FBXL14: variants seen among roughly 807,000 people sequenced by gnomAD.
FBXL14 encodes the protein F-box and leucine rich repeat protein 14.
Under a neutral mutation model 24.5 loss-of-function variants are expected in FBXL14, and 11 were observed. That is an observed-to-expected ratio of 0.45 (90% CI 0.28 to 0.74). FBXL14 has a LOEUF of 0.74. FBXL14 is among the 30% of genes least tolerant of loss of function. FBXL14 has a pLI of 0.12. For synonymous variants in FBXL14, 294 were observed against 240.4 expected (o/e 1.22, Z -2.06); for missense variants, 384 against 545.6 (o/e 0.70, Z 2.95).
rs2094461697 is a variant in FBXL14, at chr12:1,579,266, A to G, written c.1195-12456T>C. ...TGAGGGCAAACCAAAAATGTCAGTA[A>G]AGCAAAAATATATCAATAAGGCATC... On this transcript the variant is annotated intron_variant, in intron 1 of 1. Transcript: ENST00000339235. The surrounding 1 kb of genome is among the most constrained non-coding windows in gnomAD (Gnocchi z 4.3). Among the ~76,000 whole-genome samples, 1 of 152,100 alleles carries G rather than the reference A, an allele frequency of 6.6e-6. No homozygotes were observed. Among genetic ancestry groups the G allele is most frequent in the South Asian group, 2.1e-4 (1 of 4,826 alleles).
intron 1 of FBXL14, among the ~76,000 whole-genome samples, chr12:1,580,606 T>C (rs908506511): frequency 5.3e-5 from 8 of 152,134 alleles, no homozygotes; most frequent in African/African-American, 1.9e-4. Flanking sequence ...CCCAAACCTC[T>C]GGCCTCCAGC....
intron 1 of FBXL14, among the ~76,000 whole-genome samples, chr12:1,574,389 G>A (rs1322138470): frequency 4.6e-5 from 7 of 151,680 alleles, no homozygotes; most frequent in African/African-American, 1.5e-4. Context: ...TGTGGATGGA[G>A]GCTGGGGTGG....
chr12:1,590,836 T>C (rs2094487930), intron 1 of FBXL14, among the ~76,000 whole-genome samples: 1 of 152,214 alleles, frequency 6.6e-6, no homozygotes, highest in Non-Finnish European at 1.5e-5. Flanking sequence ...TCAGTATGCA[T>C]GACTGAGCCG....
intron 1 of FBXL14, chr12:1,587,504 A>AG: frequency 6.6e-6 from 1 of 152,248 alleles, no homozygotes; most frequent in Non-Finnish European, 1.5e-5. Flanking sequence ...GGGTTGGTAA[A>AG]GGCAACTCCA....
At chr12:1,587,754 T>A (rs1193716095) in intron 1 of FBXL14, among the ~76,000 whole-genome samples, 2 of 152,224 alleles carry the variant, frequency 1.3e-5, no homozygotes, top group South Asian at 2.1e-4. Flanking sequence ...TGCTGCCTGA[T>A]AGTTAACCAA....
intron 1 of FBXL14, among the ~76,000 whole-genome samples, chr12:1,589,436 CAAAAAAAAAAA>C (rs71055169): frequency 5.9e-5 from 2 of 34,060 alleles, no homozygotes; most frequent in African/African-American, 3.1e-4. Context: ...GACCTTGTCT[CAAAAAAAAAAA>C]AAAAAAAAGA....
intron 1 of FBXL14, among the ~76,000 whole-genome samples, chr12:1,574,194 C>A (rs1012983125): frequency 6.6e-6 from 1 of 152,030 alleles, no homozygotes; most frequent in Non-Finnish European, 1.5e-5. Flanking sequence ...GATAGTCATA[C>A]GATCCTATGA....
At position 1,569,338 on chromosome 12, in the gene FBXL14, C is replaced by T. The variant is rs1318024387; in HGVS notation, c.1195-2528G>A. Among the ~76,000 whole-genome samples the T allele has an allele frequency of 6.6e-6, 1 of 151,800 alleles. No individual in the cohort carries two copies. Among genetic ancestry groups the T allele is most frequent in the Non-Finnish European group, 1.5e-5 (1 of 67,984 alleles). Reference sequence around the variant, plus strand: ...CTCTCCTTTTCACCAGGCTTCTCCTCTTCCTTCTTCCCTCTTCAACCCCAC... The same window carrying T: ...CTCTCCTTTTCACCAGGCTTCTCCTTTTCCTTCTTCCCTCTTCAACCCCAC... On this transcript the variant is annotated intron_variant, in intron 1 of 1. Transcript: ENST00000339235. The surrounding 1 kb of genome is among the most constrained non-coding windows in gnomAD (Gnocchi z 4.2).
chr12:1,593,756 G>A lies in FBXL14; in HGVS notation c.311C>T (p.Thr104Ile). 1 of 1,614,170 alleles carries A rather than the reference G, an allele frequency of 6.2e-7. No individual in the cohort carries two copies. Among genetic ancestry groups the A allele is most frequent in the Non-Finnish European group, 8.5e-7 (1 of 1,180,024 alleles). ...SLNLSGCYNL[T>I]DNGLGHAFVQ... Reference sequence around the variant, plus strand: ...AAACGCGTGGCCCAGCCCGTTGTCGGTGAGGTTGTAGCAGCCGCTGAGGTT... The same window carrying A: ...AAACGCGTGGCCCAGCCCGTTGTCGATGAGGTTGTAGCAGCCGCTGAGGTT... Residue 104 changes from threonine to isoleucine, a missense_variant, in exon 1 of 2, where the codon ACC (threonine) becomes ATC (isoleucine). Physicochemically the swap from Thr to Ile is moderately conservative, Grantham distance 89. Coordinates refer to ENST00000339235, the MANE Select transcript of FBXL14 (RefSeq NM_152441.3). The surrounding 1 kb of genome is among the most constrained non-coding windows in gnomAD (Gnocchi z 7.4).
At chr12:1,584,791 T>G (rs1255015898) in intron 1 of FBXL14, among the ~76,000 whole-genome samples, 4 of 152,256 alleles carry the variant, frequency 2.6e-5, no homozygotes, top group Non-Finnish European at 5.9e-5. Context: ...CATTTTCGTG[T>G]TGTTTGCTTA....
chr12:1,574,457 C>A (rs2094451744), intron 1 of FBXL14, among the ~76,000 whole-genome samples: 1 of 133,618 alleles, frequency 7.5e-6, no homozygotes, highest in Admixed American at 7.5e-5. Flanking sequence ...CTGGTGGCAG[C>A]CGTGTGGGTG....
chr12:1,574,410 C>T (rs61912221), intron 1 of FBXL14, among the ~76,000 whole-genome samples: 3,266 of 12,418 alleles, frequency 0.26, 74 homozygotes, highest in Non-Finnish European at 0.3. Flanking sequence ...GGGAGGCTGG[C>T]GGCAGTGGTG....
At chr12:1,578,548 G>T (rs2154437946) in intron 1 of FBXL14, among the ~76,000 whole-genome samples, 1 of 152,230 alleles carries the variant, frequency 6.6e-6, no homozygotes, top group East Asian at 1.9e-4. Flanking sequence ...GGCTGAGGCA[G>T]GAGAATACTT....
Position 1,579,314 on chromosome 12 carries a change from A to C in FBXL14, c.1195-12504T>G, listed in dbSNP as rs2094461779. ...ATCATACTGACGAAAACAAAACCAG[A>C]GGTTTTAAAAAATAATCTGGGCCGG... On this transcript the variant is annotated intron_variant, in intron 1 of 1. Transcript: ENST00000339235. This position sits in a 1 kb window ranked among gnomAD's most constrained non-coding sequence, Gnocchi z 4.3. Among the ~76,000 whole-genome samples the C allele has an allele frequency of 6.6e-6, 1 of 151,720 alleles. No homozygotes were observed. Among genetic ancestry groups the C allele is most frequent in the African/African-American group, 2.4e-5 (1 of 41,384 alleles).
At position 1,566,887 on chromosome 12, in the gene FBXL14, C is replaced by T. The variant is rs370090958; in HGVS notation, c.1195-77G>A. 13 of 748,944 alleles carry T rather than the reference C, an allele frequency of 1.7e-5. No individual in the cohort carries two copies. The African/African-American group carries it at 2.1e-4, about 12-fold the overall frequency. The allele number at this position is 748,944 out of a possible 1,614,324, so 46.4% of individuals were successfully genotyped here. On this transcript the variant is annotated intron_variant, in intron 1 of 1. Transcript: ENST00000339235. ...GCTCTTCCTAACGAGGTCGCCTCCC[C>T]TAACCCCACCGCGGCTTTATCAGCG... is the stretch of plus-strand genomic sequence containing the variant.
chr12:1,583,643 A>C (rs555976507), intron 1 of FBXL14, among the ~76,000 whole-genome samples: 13 of 152,320 alleles, frequency 8.5e-5, no homozygotes, highest in African/African-American at 3.1e-4. Flanking sequence ...AATAGCTTCC[A>C]ACTCACAGAC....
chr12:1,585,424 G>A (rs1051341008), intron 1 of FBXL14, among the ~76,000 whole-genome samples: 6 of 152,032 alleles, frequency 3.9e-5, no homozygotes, highest in Admixed American at 2.0e-4. Flanking sequence ...TGTAGCAGAC[G>A]TGTATGTAAA....
At chr12:1,585,833 TAG>T (rs1419770670) in intron 1 of FBXL14, among the ~76,000 whole-genome samples, 1 of 152,252 alleles carries the variant, frequency 6.6e-6, no homozygotes, top group Non-Finnish European at 1.5e-5. Flanking sequence ...AGAAAATAGC[TAG>T]AGTTTTTGCA....
At chr12:1,582,472 TACAA>T (rs1361925693) in intron 1 of FBXL14, among the ~76,000 whole-genome samples, 1 of 152,194 alleles carries the variant, frequency 6.6e-6, no homozygotes, top group Non-Finnish European at 1.5e-5. Flanking sequence ...TTCTTTCCTT[TACAA>T]CCTGTATTCT....
Sources: allele counts gnomAD v4.1 joint callset (sites outside exome capture counted in the v4.1 genomes callset), GRCh38; gene constraint gnomAD v4.1.1; non-coding constraint Gnocchi (gnomAD v3.1); transcripts MANE v1.5; gene names NCBI Gene and HGNC (gene_info 2026-07-23, HGNC 2026-07-21).